Variants in ADGRF1 observed in about 807,000 individuals in gnomAD.
The protein encoded by ADGRF1 is G protein-coupled receptor 110.
A neutral mutation model predicts 87.2 loss-of-function variants in ADGRF1; 85 were observed. The ratio of observed to expected loss-of-function variants is 0.97; its 90% CI spans 0.82 to 1.17. ADGRF1 has a LOEUF of 1.17. Ranked by LOEUF, ADGRF1 falls within the 50% of genes most tolerant of loss-of-function variation. ADGRF1 has a pLI of 0.00. For missense variants in ADGRF1, 1,169 were observed against 1,077.2 expected, an observed-to-expected ratio of 1.09 and a Z score of -1.19; for synonymous variants, 430 against 408.8, an observed-to-expected ratio of 1.05 and a Z score of -0.63.
rs774349595 is a variant in ADGRF1 at position 47,009,633 on chromosome 6, A to T, written c.1802T>A (p.Ile601Asn). ...CAAAGCCTCGATGATCAGGCATAAAATGAGACTTCCAATGGAGATACCCAG... is the reference window on the plus strand; with the variant it reads ...CAAAGCCTCGATGATCAGGCATAAATTGAGACTTCCAATGGAGATACCCAG... ...VGLGISIGSL[I>N]LCLIIEALFW... is the part of the protein sequence containing the mutation. Residue 601 changes from isoleucine to asparagine, a missense_variant, in exon 11 of 15, where the codon ATT becomes AAT. By Grantham distance (149) the Ile-to-Asn change is moderately radical. Transcript: ENST00000371253. 14 of 1,614,064 alleles carry T rather than the reference A, an allele frequency of 8.7e-6. No homozygotes were observed. The highest frequency in any genetic ancestry group is 1.2e-5 in the Non-Finnish European group (14 of 1,180,026).
rs913066775 is a variant in ADGRF1 at position 47,023,979 on chromosome 6, C to T, written c.451+65G>A. The stretch of plus-strand genomic sequence containing the variant: ...ATTGACTAGCTAGACAATGAGCAAG[C>T]GTCCCCTCTCTGTTGCATGTTGGGG... On this transcript the variant is annotated intron_variant, in intron 5 of 14. Transcript: ENST00000371253. 9 of 1,402,456 alleles carry T rather than the reference C, an allele frequency of 6.4e-6. No homozygotes were observed. The Admixed American group carries it at 7.8e-5, about 12-fold the overall frequency. 86.9% of individuals were successfully genotyped at this position (1,402,456 alleles called of 1,614,324 possible).
In ADGRF1 at chr6:47,021,981, A is replaced by T. The variant is rs1218943642; in HGVS notation, c.529T>A (p.Tyr177Asn). Residue 177 changes from tyrosine to asparagine, a missense_variant, in exon 6 of 15, where the codon TAT becomes AAT. By Grantham distance (143) the Tyr-to-Asn change is moderately radical. Coordinates refer to ENST00000371253, the MANE Select transcript of ADGRF1 (RefSeq NM_153840.4). ...LNSSSAIYSK[Y>N]ANGIEIQLKK... ...ACTTGAATTTCAATTCCATTTGCATATTTGGAGTATATAGCAGAAGATGAA... is the reference window on the plus strand; with the variant it reads ...ACTTGAATTTCAATTCCATTTGCATTTTTGGAGTATATAGCAGAAGATGAA... 1.6e-5 allele frequency: 25 copies of T among 1,583,772 alleles called. No individual in the cohort carries two copies. The highest frequency in any genetic ancestry group is 2.1e-5 in the Non-Finnish European group (24 of 1,162,056).
In ADGRF1 at chr6:47,030,016, C is replaced by T. The variant is rs191473534; in HGVS notation, c.-43-912G>A. ...AGTTTGATTCCCAAACTCAAGAGTC[C>T]TCCAGTGGAATAAGTGTCCTTGCTT... On this transcript the variant is annotated intron_variant, in intron 1 of 14. Transcript: ENST00000371253. Among the ~76,000 whole-genome samples, 5 of 152,344 alleles carry T rather than the reference C, an allele frequency of 3.3e-5. No individual in the cohort carries two copies. The East Asian group carries it at 9.7e-4, about 29-fold the overall frequency.
Position 47,025,831 on chromosome 6 carries a change from C to A in ADGRF1, c.277+23G>T. The A allele has an allele frequency of 2.6e-6, 4 of 1,561,810 alleles. No homozygotes were observed. The South Asian group carries it at 3.5e-5, about 14-fold the overall frequency. On this transcript the variant is annotated intron_variant, in intron 4 of 14. Coordinates refer to ENST00000371253, the MANE Select transcript of ADGRF1 (RefSeq NM_153840.4). ...ATACCCGCCTTCCCCATTTATACAT[C>A]CAGTCACCGAGAGCCACCTTACCTG...
At position 47,024,196 on chromosome 6, in the gene ADGRF1, A is replaced by G. The variant is rs758677652; in HGVS notation, c.299T>C (p.Val100Ala). The G allele has an allele frequency of 1.9e-6, 3 of 1,613,850 alleles. No individual in the cohort carries two copies. The highest frequency in any genetic ancestry group is 2.5e-6 in the Non-Finnish European group (3 of 1,179,870). Residue 100 changes from valine to alanine, a missense_variant, in exon 5 of 15, where the codon GTC becomes GCC. By Grantham distance (64) the Val-to-Ala change is moderately conservative. Coordinates refer to ENST00000371253, the MANE Select transcript of ADGRF1 (RefSeq NM_153840.4). ...GCTGTCTTCACAGGTACACTGCAGG[A>G]CTCCATTCAGGCTGTTGCAGTCTGC... is the stretch of plus-strand genomic sequence containing the variant. ...ATTDCNSLNG[V>A]LQCTCEDSYT...
In ADGRF1 at chr6:47,027,698, C is replaced by T; in HGVS notation, c.127+6G>A. The stretch of plus-strand genomic sequence containing the variant: ...CACTGCACCATGCTGTCTAACAGAG[C>T]CTCACCTAGATGTTTTTTCTTATTC... On this transcript the variant is annotated splice_donor_region_variant and intron_variant, in intron 3 of 14. Transcript: ENST00000371253. The T allele has an allele frequency of 6.2e-7, 1 of 1,600,842 alleles. No individual in the cohort carries two copies. Among genetic ancestry groups the T allele is most frequent in the Non-Finnish European group, 8.6e-7 (1 of 1,168,318 alleles).
intron 8 of ADGRF1, 95 bp from the exon 9 acceptor site, chr6:47,014,939 A>C (rs1301418280): frequency 1.7e-5 from 23 of 1,388,772 alleles, no homozygotes; most frequent in Non-Finnish European, 2.2e-5. Context: ...TTTAGAACTC[A>C]TTTTTGGAGA....
At chr6:47,038,602 T>C (rs1297815781) in intron 1 of ADGRF1, among the ~76,000 whole-genome samples, 1 of 152,204 alleles carries the variant, frequency 6.6e-6, no homozygotes, top group Admixed American at 6.5e-5. Flanking sequence ...GAACATTGAA[T>C]ACTCTCCTTC....
intron 5 of ADGRF1, among the ~76,000 whole-genome samples, chr6:47,022,315 A>T (rs1022972545): frequency 6.6e-5 from 10 of 152,220 alleles, no homozygotes; most frequent in African/African-American, 2.4e-4. Context: ...GTGGCCTCTC[A>T]TGTGTCACTA....
Position 47,005,825 on chromosome 6 carries a change from T to C in ADGRF1, c.2584A>G (p.Thr862Ala). The part of the protein sequence containing the change: ...KLSALSSWKQ[T>A]EKQNSSDLSA... ...CAGTAGGAGATAATTACCTTTTCTG[T>C]TTGCTTCCAAGAACTTAAGGCAGAC... The change falls in exon 13 of 15, where the codon ACA (threonine) becomes GCA (alanine). Residue 862 changes from threonine (T) to alanine (A), a missense_variant. Thr to Ala is a moderately conservative substitution (Grantham distance 58). Coordinates refer to ENST00000371253, the MANE Select transcript of ADGRF1 (RefSeq NM_153840.4). 1 of 1,610,528 alleles carries C rather than the reference T, an allele frequency of 6.2e-7. No homozygotes were observed. Among genetic ancestry groups the C allele is most frequent in the Non-Finnish European group, 8.5e-7 (1 of 1,178,222 alleles).
At chr6:47,030,558 A>G (rs910133824) in intron 1 of ADGRF1, among the ~76,000 whole-genome samples, 3 of 149,726 alleles carry the variant, frequency 2.0e-5, no homozygotes, top group Admixed American at 6.7e-5. Context: ...AGAAAGAAAG[A>G]TATGTGATAA....
chr6:47,014,512 C>T, intron 9 of ADGRF1, 169 bp downstream of exon 9: 2 of 1,402,222 alleles, frequency 1.4e-6, no homozygotes, highest in South Asian at 1.6e-5. Flanking sequence ...GACGCTACCA[C>T]TCATGCACGA....
At chr6:47,002,029 G>A (rs1385783084) in intron 13 of ADGRF1, 4 of 155,646 alleles carry the variant, frequency 2.6e-5, no homozygotes, top group African/African-American at 9.7e-5. Flanking sequence ...TTGCTACAGA[G>A]GCTATATAGA....
intron 9 of ADGRF1, chr6:47,012,787 C>T (rs576337198): frequency 1.9e-4 from 191 of 984,586 alleles, no homozygotes; most frequent in Middle Eastern, 5.2e-4. Context: ...TTATTTTTTT[C>T]GAGATGGAGT....
chr6:47,020,691 A>G (rs748920183), intron 7 of ADGRF1, 40 bp downstream of exon 7: 3 of 1,606,836 alleles, frequency 1.9e-6, no homozygotes, highest in Non-Finnish European at 2.6e-6. Context: ...ACTGGTGCCC[A>G]ATTCTGGGGA....
intron 8 of ADGRF1, among the ~76,000 whole-genome samples, chr6:47,016,287 A>G (rs879923474): frequency 2.0e-5 from 3 of 152,168 alleles, no homozygotes; most frequent in Non-Finnish European, 2.9e-5. Context: ...ATTGTGACTT[A>G]GGAATATTGT....
rs774719393 is a variant in ADGRF1, at chr6:47,021,971, C to G, written c.539G>C (p.Gly180Ala). 3.2e-6 allele frequency: 5 copies of G among 1,569,770 alleles called. No homozygotes were observed. Among genetic ancestry groups the G allele is most frequent in the African/African-American group, 2.7e-5 (2 of 73,306 alleles). ...SSAIYSKYAN[G>A]IEIQLKKAYE... Reference sequence around the variant, plus strand: ...GAAAGTGCTTACTTGAATTTCAATTCCATTTGCATATTTGGAGTATATAGC... The same window carrying G: ...GAAAGTGCTTACTTGAATTTCAATTGCATTTGCATATTTGGAGTATATAGC... The change falls in exon 6 of 15, where the codon GGA becomes GCA. Residue 180 changes from glycine to alanine, a missense_variant. Transcript: ENST00000371253.
intron 1 of ADGRF1, among the ~76,000 whole-genome samples, chr6:47,037,696 A>G (rs1055273659): frequency 6.6e-6 from 1 of 151,972 alleles, no homozygotes; most frequent in Admixed American, 6.6e-5. Flanking sequence ...ATTTTTTTGC[A>G]GAGACATGGT....
chr6:47,010,721 T>C (rs1435859324), intron 10 of ADGRF1, among the ~76,000 whole-genome samples: 3 of 152,252 alleles, frequency 2.0e-5, no homozygotes, highest in Non-Finnish European at 4.4e-5. Flanking sequence ...TCCCACATTA[T>C]GTTTGTTTTG....
Sources: allele counts gnomAD v4.1 joint callset (sites outside exome capture counted in the v4.1 genomes callset), GRCh38; gene constraint gnomAD v4.1.1; transcripts MANE v1.5; gene names NCBI Gene and HGNC (gene_info 2026-07-23, HGNC 2026-07-21).